FOXP1: variants seen among roughly 807,000 people sequenced by gnomAD.
FOXP1 encodes forkhead box P1.
FOXP1 carries 15 observed loss-of-function variants against 98.2 expected under a neutral mutation model. The ratio of observed to expected loss-of-function variants is 0.15; its 90% CI spans 0.10 to 0.24. The LOEUF (loss-of-function observed/expected upper bound fraction) is 0.24, where lower values mean the gene tolerates loss of function less well. Among genes scored for constraint, FOXP1 ranks in the 10% least tolerant of loss-of-function variants. FOXP1 has a pLI of 1.00. For missense variants in FOXP1, 633 were observed against 848.5 expected, an observed-to-expected ratio of 0.75 and a Z score of 3.15; for synonymous variants, 371 against 314.5, an observed-to-expected ratio of 1.18 and a Z score of -1.90.
At chr3:71,369,030 C>T (rs1211053990) in intron 3 of FOXP1, among the ~76,000 whole-genome samples, 1 of 152,044 alleles carries the variant, frequency 6.6e-6, no homozygotes, top group African/African-American at 2.4e-5. Context: ...CAAATAAATA[C>T]TTATTTCTGG....
At chr3:71,008,971 C>G (rs772413826) in intron 12 of FOXP1, among the ~76,000 whole-genome samples, 11 of 151,872 alleles carry the variant, frequency 7.2e-5, no homozygotes, top group Non-Finnish European at 1.5e-4. Context: ...GGATTTTTAT[C>G]CTGAAGAACC....
chr3:71,061,506 C>A (rs907557890), intron 7 of FOXP1, among the ~76,000 whole-genome samples: 1 of 152,082 alleles, frequency 6.6e-6, no homozygotes, highest in South Asian at 2.1e-4. Flanking sequence ...CTAAAAGTAA[C>A]CTAATATTTG....
At chr3:70,967,655 TGGCAGAGCAGTTGCCAGAACTACTATTA>T (rs2035121729) in intron 19 of FOXP1, among the ~76,000 whole-genome samples, 1 of 150,732 alleles carries the variant, frequency 6.6e-6, no homozygotes. Context: ...GTTTTTTTTT[TGGCAGAGCAGTTGCCAGAACTACTATTA>T]TTTGTTTTTT....
At chr3:71,223,209 C>A (rs1337613791) in intron 5 of FOXP1, among the ~76,000 whole-genome samples, 1 of 152,180 alleles carries the variant, frequency 6.6e-6, no homozygotes, top group East Asian at 1.9e-4. Flanking sequence ...TATAATTTCC[C>A]AGACTTCTTT....
intron 2 of FOXP1, among the ~76,000 whole-genome samples, chr3:71,536,865 T>G (rs577260455): frequency 6.6e-6 from 1 of 152,202 alleles, no homozygotes; most frequent in African/African-American, 2.4e-5. Context: ...ACCCTCTATA[T>G]AGTGTCCCAT....
At chr3:71,155,109 A>C (rs2060757616) in intron 6 of FOXP1, among the ~76,000 whole-genome samples, 1 of 152,200 alleles carries the variant, frequency 6.6e-6, no homozygotes, top group East Asian at 1.9e-4. Context: ...AGCCACAAAC[A>C]AACAATTGAG....
At chr3:71,400,024 T>A (rs916734856) in intron 3 of FOXP1, among the ~76,000 whole-genome samples, 1 of 152,212 alleles carries the variant, frequency 6.6e-6, no homozygotes, top group African/African-American at 2.4e-5. Context: ...TAATGCAGTG[T>A]TAATAATTAT....
At chr3:71,548,950 C>CT (rs766095906) in intron 2 of FOXP1, among the ~76,000 whole-genome samples, 2 of 152,134 alleles carry the variant, frequency 1.3e-5, no homozygotes, top group African/African-American at 2.4e-5. Flanking sequence ...GATTTAGGAA[C>CT]TAAGGCGGTG....
intron 6 of FOXP1, among the ~76,000 whole-genome samples, chr3:71,170,793 C>T (rs754650178): frequency 6.6e-6 from 1 of 152,166 alleles, no homozygotes; most frequent in Admixed American, 6.5e-5. Flanking sequence ...CTGAGGCATG[C>T]GGCAAATTTA....
chr3:70,973,005 C>G (rs2036602653), intron 17 of FOXP1, among the ~76,000 whole-genome samples: 1 of 152,080 alleles, frequency 6.6e-6, no homozygotes, highest in African/African-American at 2.4e-5. Context: ...ACAACACATG[C>G]AAAGTATGAA....
chr3:71,342,378 A>G (rs1171756210), intron 4 of FOXP1, among the ~76,000 whole-genome samples: 6 of 152,124 alleles, frequency 3.9e-5, no homozygotes. Flanking sequence ...CTGGATTATA[A>G]AAGCAAACAG....
At position 71,375,971 on chromosome 3, in the gene FOXP1, G is replaced by A. The variant is rs1163750835; in HGVS notation, c.-167-16727C>T. ...TGGAGACATAAAGGAACATGATTTG[G>A]GGTTCTGATGTAAGATTCGTGGACT... On this transcript the variant is annotated intron_variant, in intron 3 of 20. Transcript: ENST00000649528. Among the ~76,000 whole-genome samples, 4 of 152,078 alleles carry A rather than the reference G, an allele frequency of 2.6e-5. No homozygotes were observed. The East Asian group carries it at 7.7e-4, about 29-fold the overall frequency.
At chr3:71,135,432 C>T (rs950963990) in intron 6 of FOXP1, among the ~76,000 whole-genome samples, 10 of 151,918 alleles carry the variant, frequency 6.6e-5, no homozygotes, top group African/African-American at 2.4e-4. Context: ...AGTAAACAGG[C>T]CCCTACCCCC....
At chr3:71,167,677 T>G (rs1273082968) in intron 6 of FOXP1, among the ~76,000 whole-genome samples, 1 of 152,238 alleles carries the variant, frequency 6.6e-6, no homozygotes, top group African/African-American at 2.4e-5. Flanking sequence ...TAGCTTTCAC[T>G]TCATTACTGC....
chr3:71,442,473 G>A (rs936228472), intron 3 of FOXP1, among the ~76,000 whole-genome samples: 5 of 151,876 alleles, frequency 3.3e-5, no homozygotes, highest in Admixed American at 6.6e-5. Flanking sequence ...TCTTGAGAAC[G>A]TCCAGCTGAT....
intron 13 of FOXP1, among the ~76,000 whole-genome samples, chr3:70,996,387 G>C (rs986195648): frequency 1.3e-5 from 2 of 152,128 alleles, no homozygotes; most frequent in African/African-American, 4.8e-5. Flanking sequence ...CTTTATTTCT[G>C]CCCAGCTTCC....
chr3:71,577,379 C>A (rs551212702), intron 2 of FOXP1, among the ~76,000 whole-genome samples: 16 of 151,982 alleles, frequency 1.1e-4, no homozygotes, highest in African/African-American at 3.9e-4. Flanking sequence ...CAAGCCAAAT[C>A]TGCTTAATTT....
chr3:71,408,782 G>A (rs1415463984), intron 3 of FOXP1, among the ~76,000 whole-genome samples: 1 of 152,166 alleles, frequency 6.6e-6, no homozygotes, highest in East Asian at 1.9e-4. Context: ...CCACAGTGCA[G>A]CATAAAGATC....
At chr3:71,548,215 TA>T (rs531036830) in intron 2 of FOXP1, among the ~76,000 whole-genome samples, 45 of 152,284 alleles carry the variant, frequency 3.0e-4, no homozygotes, top group Non-Finnish European at 3.2e-4. Flanking sequence ...GTGGGTGTTT[TA>T]AAAAGTTGGC....
Sources: gnomAD v4.1 joint callset for allele counts (sites outside exome capture counted in the v4.1 genomes callset) on GRCh38, gnomAD v4.1.1 for gene constraint, MANE v1.5 for transcripts, NCBI Gene and HGNC (gene_info 2026-07-23, HGNC 2026-07-21) for gene names.